The following CDK14 variants were observed in gnomAD, a reference collection of about 807,000 sequenced individuals.
CDK14 encodes the protein cyclin-dependent kinase 14.
Under a neutral mutation model 60.7 loss-of-function variants are expected in CDK14, and 34 were observed. That is an observed-to-expected ratio of 0.56 (90% CI 0.43 to 0.75). CDK14 has a LOEUF of 0.75. Among genes scored for constraint, CDK14 ranks in the 30% least tolerant of loss-of-function variants. The pLI is 0.00. For missense variants in CDK14, 482 were observed against 564.1 expected (o/e 0.85, Z 1.47); for synonymous variants, 197 against 203.7 (o/e 0.97, Z 0.28).
chr7:91,067,944 G>A (rs143193425), intron 11 of CDK14, among the ~76,000 whole-genome samples: 1 of 152,166 alleles, frequency 6.6e-6, no homozygotes, highest in Non-Finnish European at 1.5e-5. Context: ...TATTAAGCTT[G>A]CTTTGCGGAT....
At chr7:90,651,593 T>C (rs1278054754) in intron 2 of CDK14, among the ~76,000 whole-genome samples, 2 of 152,220 alleles carry the variant, frequency 1.3e-5, no homozygotes, top group Non-Finnish European at 2.9e-5. Flanking sequence ...CTGCTTTCCA[T>C]TGAGTGGAAC....
intron 14 of CDK14, among the ~76,000 whole-genome samples, chr7:91,192,151 TAAGGCTTAGC>T (rs1802382217): frequency 6.6e-6 from 1 of 152,098 alleles, no homozygotes; most frequent in Non-Finnish European, 1.5e-5. Flanking sequence ...TCAGGGTAGG[TAAGGCTTAGC>T]CAGGGAGATA....
chr7:90,933,832 A>G (rs1242522821), intron 8 of CDK14, among the ~76,000 whole-genome samples: 1 of 152,250 alleles, frequency 6.6e-6, no homozygotes, highest in Non-Finnish European at 1.5e-5. Context: ...CTGTGTAGCC[A>G]TGAGCAGAAA....
intron 5 of CDK14, among the ~76,000 whole-genome samples, chr7:90,832,689 C>G (rs1241269565): frequency 6.6e-6 from 1 of 152,118 alleles, no homozygotes; most frequent in Non-Finnish European, 1.5e-5. Context: ...GTTGAAAGTG[C>G]TATACAATGC....
chr7:91,168,925 T>C (rs566005351), intron 14 of CDK14, among the ~76,000 whole-genome samples: 16 of 152,274 alleles, frequency 1.1e-4, no homozygotes, highest in Non-Finnish European at 8.8e-5. Flanking sequence ...CCCCTCCCCC[T>C]CCACTGTGCT....
intron 2 of CDK14, chr7:90,709,742 G>A: frequency 1.4e-6 from 2 of 1,418,140 alleles, no homozygotes; most frequent in East Asian, 2.8e-5. Flanking sequence ...ATTCCACTGA[G>A]ATTAGCTTCT....
chr7:90,633,119 C>T (rs549659474), intron 2 of CDK14, among the ~76,000 whole-genome samples: 1 of 150,552 alleles, frequency 6.6e-6, no homozygotes, highest in East Asian at 2.0e-4. Flanking sequence ...AATTGTTTTG[C>T]AGTGTACATA....
intron 2 of CDK14, among the ~76,000 whole-genome samples, chr7:90,615,409 GTATTTAGAATAAAAC>G (rs1408634604): frequency 6.6e-6 from 1 of 152,160 alleles, no homozygotes; most frequent in South Asian, 2.1e-4. Context: ...ATAAAGTGTG[GTATTTAGAATAAAAC>G]TATGATGTTT....
chr7:90,846,271 T>C (rs900444188), intron 5 of CDK14, among the ~76,000 whole-genome samples: 7 of 152,180 alleles, frequency 4.6e-5, no homozygotes, highest in South Asian at 2.1e-4. Flanking sequence ...CTTGGCTCCA[T>C]TGGGAGTTCT....
At chr7:91,005,427 A>G (rs1408132634) in intron 10 of CDK14, among the ~76,000 whole-genome samples, 2 of 152,262 alleles carry the variant, frequency 1.3e-5, no homozygotes, top group African/African-American at 4.8e-5. Context: ...AGGCAATGGA[A>G]GATACCCTTG....
intron 9 of CDK14, among the ~76,000 whole-genome samples, chr7:90,971,319 A>G (rs1584184622): frequency 6.6e-6 from 1 of 152,176 alleles, no homozygotes; most frequent in Non-Finnish European, 1.5e-5. Context: ...TGGTTAGTAC[A>G]GTGGCAGCTC....
chr7:91,020,576 CT>C (rs1796407920), intron 10 of CDK14, among the ~76,000 whole-genome samples: 1 of 152,272 alleles, frequency 6.6e-6, no homozygotes, highest in African/African-American at 2.4e-5. Context: ...AATAATTCAC[CT>C]TTCCCTGCCC....
At chr7:90,885,129 T>G (rs1791899786) in intron 6 of CDK14, among the ~76,000 whole-genome samples, 1 of 152,148 alleles carries the variant, frequency 6.6e-6, no homozygotes, top group Admixed American at 6.5e-5. Flanking sequence ...CAAAAGAAAG[T>G]ATCATCAGAG....
chr7:91,003,095 AATCT>A (rs1795886283), intron 10 of CDK14, among the ~76,000 whole-genome samples: 1 of 152,158 alleles, frequency 6.6e-6, no homozygotes, highest in African/African-American at 2.4e-5. Flanking sequence ...AAACAGATGC[AATCT>A]ATCTAAGTCA....
At chr7:91,115,085 CGT>C (rs1051351590) in intron 13 of CDK14, among the ~76,000 whole-genome samples, 3 of 152,084 alleles carry the variant, frequency 2.0e-5, no homozygotes, top group Non-Finnish European at 4.4e-5. Context: ...AATACCCTTA[CGT>C]ATTTCTTTTT....
intron 10 of CDK14, among the ~76,000 whole-genome samples, chr7:90,990,473 C>G (rs941366751): frequency 1.3e-5 from 2 of 152,104 alleles, no homozygotes; most frequent in Admixed American, 6.5e-5. Flanking sequence ...ACAAGTACCT[C>G]TTAATTTGTA....
intron 14 of CDK14, among the ~76,000 whole-genome samples, chr7:91,176,427 A>G (rs369779609): frequency 6.6e-6 from 1 of 152,180 alleles, no homozygotes; most frequent in Non-Finnish European, 1.5e-5. Context: ...AACACATTCA[A>G]AAGCTAGCAG....
chr7:90,839,036 C>T (rs2117138135), intron 5 of CDK14, among the ~76,000 whole-genome samples: 1 of 152,266 alleles, frequency 6.6e-6, no homozygotes, highest in Non-Finnish European at 1.5e-5. Context: ...TGATGGCACC[C>T]CCGGAGGCCC....
intron 2 of CDK14, among the ~76,000 whole-genome samples, chr7:90,640,679 G>T (rs1048891047): frequency 1.3e-5 from 2 of 151,968 alleles, no homozygotes; most frequent in Admixed American, 1.3e-4. Context: ...GAAAAGATAG[G>T]CCTCTGTGGT....
Sources: gnomAD v4.1 joint callset for allele counts (sites outside exome capture counted in the v4.1 genomes callset) on GRCh38, gnomAD v4.1.1 for gene constraint, MANE v1.5 for transcripts, NCBI Gene and HGNC (gene_info 2026-07-23, HGNC 2026-07-21) for gene names.